Variants in LSAMP observed in about 807,000 individuals in gnomAD.
LSAMP encodes limbic system associated membrane protein.
In LSAMP, 7 loss-of-function variants were observed where a neutral mutation model predicts 38.6. That is an observed-to-expected ratio of 0.18 (90% confidence interval 0.10 to 0.34). LSAMP has a LOEUF of 0.34. LSAMP is among the 10% of genes least tolerant of loss of function. The probability of loss-of-function intolerance (pLI) is 1.00; values close to 1 mark genes in which losing one functional copy is unlikely to be tolerated. For synonymous variants in LSAMP, 154 were observed against 166.8 expected (o/e 0.92, Z 0.59); for missense variants, 313 against 420.0 (o/e 0.75, Z 2.23).
At chr3:116,343,877 G>A (rs1334692271) in intron 1 of LSAMP, among the ~76,000 whole-genome samples, 1 of 151,878 alleles carries the variant, frequency 6.6e-6, no homozygotes, top group Non-Finnish European at 1.5e-5. Flanking sequence ...AAAGAAAACT[G>A]GTAGTTTGTA....
intron 1 of LSAMP, among the ~76,000 whole-genome samples, chr3:116,222,224 C>G (rs569906429): frequency 1.3e-5 from 2 of 151,034 alleles, no homozygotes; most frequent in Non-Finnish European, 2.9e-5. Context: ...CCTAAGACTT[C>G]TGGCTCACAT....
chr3:116,410,900 G>T (rs1409673896), intron 1 of LSAMP, among the ~76,000 whole-genome samples: 2 of 152,072 alleles, frequency 1.3e-5, no homozygotes, highest in African/African-American at 2.4e-5. Flanking sequence ...GGAGGGGTCA[G>T]CCTCTCCTAT....
At chr3:115,860,809 G>A (rs990748493) in intron 3 of LSAMP, among the ~76,000 whole-genome samples, 1 of 152,136 alleles carries the variant, frequency 6.6e-6, no homozygotes, top group African/African-American at 2.4e-5. Context: ...AGAAATGCAA[G>A]TGGAGAAAAA....
At chr3:116,334,806 GC>G (rs1278852432) in intron 1 of LSAMP, among the ~76,000 whole-genome samples, 1 of 152,048 alleles carries the variant, frequency 6.6e-6, no homozygotes, top group South Asian at 2.1e-4. Flanking sequence ...AAGACTGAAA[GC>G]TTTTCCTGTG....
intron 1 of LSAMP, among the ~76,000 whole-genome samples, chr3:116,258,028 G>A (rs2046773836): frequency 6.6e-6 from 1 of 151,982 alleles, no homozygotes; most frequent in South Asian, 2.1e-4. Flanking sequence ...AGGTAAAATA[G>A]GAGGAATTAA....
intron 4 of LSAMP, 45 bp downstream of exon 4, chr3:115,852,438 G>T: frequency 5.1e-6 from 8 of 1,566,296 alleles, no homozygotes; most frequent in African/African-American, 1.4e-5. Context: ...GGAGGTAGAG[G>T]TGCACCCTGG....
intron 1 of LSAMP, among the ~76,000 whole-genome samples, chr3:116,329,680 G>A (rs987784668): frequency 1.3e-5 from 2 of 151,930 alleles, no homozygotes; most frequent in African/African-American, 2.4e-5. Flanking sequence ...TTCGGAGGGG[G>A]ACTTTATGAT....
intron 1 of LSAMP, among the ~76,000 whole-genome samples, chr3:116,235,995 T>C (rs922943360): frequency 6.6e-6 from 1 of 152,124 alleles, no homozygotes; most frequent in African/African-American, 2.4e-5. Flanking sequence ...GCGGAATAAA[T>C]TTATTTGGTG....
At chr3:116,111,267 G>C (rs969638523) in intron 1 of LSAMP, among the ~76,000 whole-genome samples, 1 of 152,206 alleles carries the variant, frequency 6.6e-6, no homozygotes, top group Non-Finnish European at 1.5e-5. Context: ...TTGACTATAG[G>C]ACAGTTGGCT....
intron 1 of LSAMP, among the ~76,000 whole-genome samples, chr3:116,290,572 A>C (rs2047251203): frequency 6.6e-6 from 1 of 151,878 alleles, no homozygotes; most frequent in Admixed American, 6.6e-5. Context: ...TCTACTAAAA[A>C]TACAAAAATT....
intron 2 of LSAMP, among the ~76,000 whole-genome samples, chr3:116,048,721 TATC>T (rs896393568): frequency 5.9e-5 from 9 of 152,216 alleles, no homozygotes; most frequent in Non-Finnish European, 1.3e-4. Context: ...AACAGGGTCT[TATC>T]ATCATATCAA....
chr3:116,424,412 A>G (rs900473611), intron 1 of LSAMP, among the ~76,000 whole-genome samples: 3 of 152,234 alleles, frequency 2.0e-5, no homozygotes, highest in African/African-American at 7.2e-5. Flanking sequence ...GACAAAACAC[A>G]AACAATTTTC....
chr3:116,053,490 C>T (rs1259067557), intron 2 of LSAMP, among the ~76,000 whole-genome samples: 2 of 152,106 alleles, frequency 1.3e-5, no homozygotes, highest in African/African-American at 2.4e-5. Context: ...ATTGTGCAAA[C>T]GTCTCTTTGA....
At chr3:116,058,670 T>C (rs758469763) in intron 2 of LSAMP, among the ~76,000 whole-genome samples, 5 of 152,154 alleles carry the variant, frequency 3.3e-5, no homozygotes, top group Non-Finnish European at 7.4e-5. Flanking sequence ...GAGTCTTTAC[T>C]TTTGTGAAGT....
intron 3 of LSAMP, among the ~76,000 whole-genome samples, chr3:115,937,649 AG>A (rs1334568322): frequency 5.0e-5 from 2 of 40,348 alleles, no homozygotes; most frequent in Admixed American, 8.5e-4. Flanking sequence ...AAATAAGAAA[AG>A]AAAAAAAAAA....
At chr3:116,023,283 C>A (rs1940688887) in intron 2 of LSAMP, among the ~76,000 whole-genome samples, 1 of 151,898 alleles carries the variant, frequency 6.6e-6, no homozygotes, top group Admixed American at 6.6e-5. Flanking sequence ...GCCTAAATTA[C>A]TGAAATGAGA....
At chr3:116,214,752 C>A (rs993241998) in intron 1 of LSAMP, among the ~76,000 whole-genome samples, 4 of 152,078 alleles carry the variant, frequency 2.6e-5, no homozygotes, top group African/African-American at 9.7e-5. Flanking sequence ...ATCTGCCTGC[C>A]TCAGCCTCCC....
chr3:116,443,726 T>C (rs993066015), intron 1 of LSAMP, among the ~76,000 whole-genome samples: 12 of 152,216 alleles, frequency 7.9e-5, no homozygotes, highest in Admixed American at 5.9e-4. Context: ...CAAGCAATAT[T>C]ACCTAGATAG....
rs547778381 is a variant in LSAMP, at chr3:115,807,577, A to G, written c.*2740T>C. 6.6e-6 allele frequency: 1 copy of G among 152,308 alleles called. No homozygotes were observed. The highest frequency in any genetic ancestry group is 2.1e-4 in the South Asian group (1 of 4,826). The allele number at this position is 152,308 out of a possible 1,614,324, so 9.4% of individuals were successfully genotyped here. Reference sequence around the variant, plus strand: ...ATATAATTAAGGCCTGTGACATGCCATGGGGATCTGTTCCTGAAGGTAATA... The same window carrying G: ...ATATAATTAAGGCCTGTGACATGCCGTGGGGATCTGTTCCTGAAGGTAATA... On this transcript the variant is annotated 3_prime_UTR_variant, in exon 7 of 7. Coordinates refer to ENST00000490035, the MANE Select transcript of LSAMP (RefSeq NM_002338.5).
Sources: allele counts gnomAD v4.1 joint callset (sites outside exome capture counted in the v4.1 genomes callset), GRCh38; gene constraint gnomAD v4.1.1; transcripts MANE v1.5; gene names NCBI Gene and HGNC (gene_info 2026-07-23, HGNC 2026-07-21).